The following ERCC8 variants were observed in gnomAD, a reference collection of about 807,000 sequenced individuals.
ERCC8 encodes the protein DNA excision repair protein ERCC-8.
ERCC8 carries 52 observed loss-of-function variants against 54.9 expected under a neutral mutation model. The ratio of observed to expected loss-of-function variants is 0.95; its 90% CI spans 0.76 to 1.19. The LOEUF (loss-of-function observed/expected upper bound fraction) is 1.19. Among genes scored for constraint, ERCC8 ranks in the 50% most tolerant of loss-of-function variants. ERCC8 has a pLI of 0.00. For synonymous variants in ERCC8, 146 were observed against 157.2 expected, an observed-to-expected ratio of 0.93 and a Z score of 0.53; for missense variants, 514 against 466.1, an observed-to-expected ratio of 1.10 and a Z score of -0.95.
intron 4 of ERCC8, among the ~76,000 whole-genome samples, chr5:60,906,151 T>C (rs1395341993): frequency 1.3e-5 from 2 of 152,196 alleles, no homozygotes; most frequent in African/African-American, 2.4e-5. Flanking sequence ...CTGGCAATCA[T>C]TTATGTCTCT....
intron 2 of ERCC8, among the ~76,000 whole-genome samples, chr5:60,923,632 G>C (rs753906336): frequency 6.6e-6 from 1 of 152,008 alleles, no homozygotes; most frequent in Non-Finnish European, 1.5e-5. Flanking sequence ...TTAATTCAAA[G>C]TACCTTTCTT....
intron 11 of ERCC8, 52 bp downstream of exon 11, chr5:60,887,388 T>A: frequency 7.0e-7 from 1 of 1,424,430 alleles, no homozygotes; most frequent in Non-Finnish European, 9.9e-7. Flanking sequence ...TAACAAAACA[T>A]TATTTCTTAA....
chr5:60,918,674 G>C, intron 3 of ERCC8: 1 of 408,428 alleles, frequency 2.4e-6, no homozygotes, highest in Non-Finnish European at 4.6e-6. Context: ...CAACTACACT[G>C]GTCTTCTTTC....
chr5:60,896,809 A>T (rs1266427926), intron 9 of ERCC8, among the ~76,000 whole-genome samples: 1 of 152,218 alleles, frequency 6.6e-6, no homozygotes, highest in Non-Finnish European at 1.5e-5. Flanking sequence ...GGAAAGAAAA[A>T]TGGAATAGAA....
chr5:60,933,107 A>C (rs1749956918), intron 1 of ERCC8, among the ~76,000 whole-genome samples: 2 of 150,738 alleles, frequency 1.3e-5, no homozygotes, highest in African/African-American at 4.9e-5. Flanking sequence ...CAAATTTCCT[A>C]TTTAATTTCA....
intron 4 of ERCC8, among the ~76,000 whole-genome samples, chr5:60,913,266 C>T (rs1360260919): frequency 6.6e-6 from 1 of 152,060 alleles, no homozygotes; most frequent in African/African-American, 2.4e-5. Flanking sequence ...GCCTCTATTT[C>T]AGAACCTGTT....
In ERCC8 at chr5:60,874,426, G is replaced by T; in HGVS notation, c.*189C>A. 1.7e-6 allele frequency: 1 copy of T among 580,984 alleles called. No homozygotes were observed. The highest frequency in any genetic ancestry group is 3.0e-6 in the Non-Finnish European group (1 of 328,818). 36.0% of individuals were successfully genotyped at this position (580,984 alleles called of 1,614,324 possible). A position where few individuals can be genotyped will look rare whatever the true frequency, so the allele number is the denominator to read the frequency against. The stretch of plus-strand genomic sequence containing the variant: ...CATCTGGGATCAAGGAACACATTTT[G>T]ACTAAATAAACTATACAGAAGTCTG... On this transcript the variant is annotated 3_prime_UTR_variant, in exon 12 of 12. Transcript: ENST00000676185.
chr5:60,942,076 T>C (rs1447050019), intron 1 of ERCC8, among the ~76,000 whole-genome samples: 1 of 152,170 alleles, frequency 6.6e-6, no homozygotes, highest in East Asian at 1.9e-4. Flanking sequence ...TTATAATTCC[T>C]AGAGCAGCCA....
intron 5 of ERCC8, among the ~76,000 whole-genome samples, chr5:60,904,562 T>A (rs989129321): frequency 6.8e-6 from 1 of 146,700 alleles, no homozygotes; most frequent in African/African-American, 2.5e-5. Context: ...CACAGCATAG[T>A]GCTTGCCTTG....
At chr5:60,899,849 ATTAGGGTTG>A in intron 7 of ERCC8, 122 bp from the exon 8 acceptor site, 3 of 718,222 alleles carry the variant, frequency 4.2e-6, no homozygotes, top group Non-Finnish European at 7.4e-6. Flanking sequence ...GTATTCATAC[ATTAGGGTTG>A]TTGAACTTTT....
chr5:60,936,079 G>T (rs1750056719), intron 1 of ERCC8, among the ~76,000 whole-genome samples: 1 of 152,106 alleles, frequency 6.6e-6, no homozygotes, highest in African/African-American at 2.4e-5. Flanking sequence ...TTTATCTTTT[G>T]GAACAGTGTC....
chr5:60,911,461 G>A (rs550149130), intron 4 of ERCC8, among the ~76,000 whole-genome samples: 71 of 150,186 alleles, frequency 4.7e-4, no homozygotes, highest in Middle Eastern at 3.4e-3. Flanking sequence ...TTGTAAATTT[G>A]TTTAAGTTCT....
At chr5:60,911,494 C>T (rs1319499021) in intron 4 of ERCC8, among the ~76,000 whole-genome samples, 1 of 151,770 alleles carries the variant, frequency 6.6e-6, no homozygotes, top group Non-Finnish European at 1.5e-5. Flanking sequence ...GATATTAGCC[C>T]TTTGTCAGAT....
At chr5:60,905,288 CAGTT>C in intron 4 of ERCC8, among the ~76,000 whole-genome samples, 1 of 52,462 alleles carries the variant, frequency 1.9e-5, no homozygotes, top group African/African-American at 5.7e-5. Context: ...TCATACATTT[CAGTT>C]ATCTATGACC....
At chr5:60,903,227 C>G (rs1472882607) in intron 6 of ERCC8, 1 of 170,914 alleles carries the variant, frequency 5.9e-6, no homozygotes, top group Non-Finnish European at 1.3e-5. Flanking sequence ...TTAAATACAC[C>G]TTTACCAAAG....
Position 60,898,366 on chromosome 5 carries a change from T to C in ERCC8, c.753A>G (p.Leu251=), listed in dbSNP as rs769618520. ...NTAHNGKVNG[L]CFTSDGLHLL... is the part of the protein sequence containing the mutation. ...GGTGAAGTCCATCACTTGTAAAACA[T>C]AAGCCATTAACTTTCCCATTATGAG... The change falls in exon 9 of 12, where the codon TTA becomes TTG. Residue 251 remains leucine (L), a synonymous_variant. Transcript: ENST00000676185. 1 of 1,613,646 alleles carries C rather than the reference T, an allele frequency of 6.2e-7. No individual in the cohort carries two copies. Among genetic ancestry groups the C allele is most frequent in the South Asian group, 1.1e-5 (1 of 91,070 alleles).
chr5:60,891,492 GAAT>G (rs1253846660), intron 9 of ERCC8, among the ~76,000 whole-genome samples: 4 of 151,850 alleles, frequency 2.6e-5, no homozygotes, highest in African/African-American at 9.7e-5. Context: ...CTTTTCAAAA[GAAT>G]AATATTTTTT....
At chr5:60,924,901 A>G (rs529730077) in intron 2 of ERCC8, among the ~76,000 whole-genome samples, 48 of 152,042 alleles carry the variant, frequency 3.2e-4, no homozygotes, top group Non-Finnish European at 5.6e-4. Context: ...AGGTTTTCTA[A>G]TAACTTAACA....
chr5:60,926,077 G>A (rs149875193), intron 2 of ERCC8, among the ~76,000 whole-genome samples: 2,013 of 152,034 alleles, frequency 0.013, 48 homozygotes, highest in African/African-American at 0.046. Context: ...CGCCCGCCTC[G>A]GCCTCCCAAA....
Sources: gnomAD v4.1 joint callset for allele counts (sites outside exome capture counted in the v4.1 genomes callset) on GRCh38, gnomAD v4.1.1 for gene constraint, MANE v1.5 for transcripts, NCBI Gene and HGNC (gene_info 2026-07-23, HGNC 2026-07-21) for gene names.